Variants in CCDC15 observed in about 807,000 individuals in gnomAD.
The protein encoded by CCDC15 is coiled-coil domain-containing protein 15.
A neutral mutation model predicts 114.5 loss-of-function variants in CCDC15; 105 were observed. That is an observed-to-expected ratio of 0.92 (90% confidence interval 0.78 to 1.08). The LOEUF (loss-of-function observed/expected upper bound fraction) is 1.08, where lower values mean the gene tolerates loss of function less well. Ranked by LOEUF, CCDC15 falls within the 50% of genes least tolerant of loss-of-function variation. The pLI is 0.00. For synonymous variants in CCDC15, 334 were observed against 377.8 expected (o/e 0.88, Z 1.34); for missense variants, 1,105 against 1,093.6 (o/e 1.01, Z -0.15).
At chr11:125,034,083 G>T (rs1484325403) in intron 13 of CCDC15, among the ~76,000 whole-genome samples, 2 of 152,158 alleles carry the variant, frequency 1.3e-5, no homozygotes, top group Non-Finnish European at 2.9e-5. Context: ...ATGTTGCCTG[G>T]CAACTGCCTC....
At chr11:124,961,043 C>T (rs893822933) in intron 4 of CCDC15, among the ~76,000 whole-genome samples, 4 of 152,186 alleles carry the variant, frequency 2.6e-5, no homozygotes, top group Admixed American at 6.5e-5. Context: ...TTGTCCACAA[C>T]TATTTGACTC....
At chr11:124,995,069 G>A (rs1565372077) in intron 11 of CCDC15, among the ~76,000 whole-genome samples, 1 of 152,092 alleles carries the variant, frequency 6.6e-6, no homozygotes, top group Non-Finnish European at 1.5e-5. Flanking sequence ...TTGGCCTAAG[G>A]GTATGCTGCT....
At chr11:125,038,756 A>G (rs1948794489) in intron 14 of CCDC15, 152 bp downstream of exon 14, 1 of 1,146,998 alleles carries the variant, frequency 8.7e-7, no homozygotes, top group South Asian at 1.7e-5. Context: ...TTGATTGCCT[A>G]ATACTTCTTG....
chr11:125,032,808 G>T (rs1364575196), intron 13 of CCDC15, among the ~76,000 whole-genome samples: 1 of 152,152 alleles, frequency 6.6e-6, no homozygotes, highest in Non-Finnish European at 1.5e-5. Context: ...TGGACCCACT[G>T]TAAGTCAGAC....
At chr11:124,955,515 TC>T (rs1302062472) in intron 2 of CCDC15, among the ~76,000 whole-genome samples, 1 of 152,260 alleles carries the variant, frequency 6.6e-6, no homozygotes, top group African/African-American at 2.4e-5. Flanking sequence ...TGTTTATATA[TC>T]TTTTCCTGAT....
chr11:125,020,307 G>A (rs1299483508), intron 13 of CCDC15, among the ~76,000 whole-genome samples: 1 of 151,880 alleles, frequency 6.6e-6, no homozygotes, highest in Non-Finnish European at 1.5e-5. Flanking sequence ...AAGTCTTGGT[G>A]TTGGCAGATT....
At chr11:125,016,862 T>G (rs565337370) in intron 13 of CCDC15, among the ~76,000 whole-genome samples, 34 of 152,316 alleles carry the variant, frequency 2.2e-4, no homozygotes, top group African/African-American at 8.2e-4. Flanking sequence ...TAAAGGCTTT[T>G]TGTTTTATTG....
chr11:125,009,529 G>A (rs1948575395), intron 13 of CCDC15, among the ~76,000 whole-genome samples: 1 of 152,068 alleles, frequency 6.6e-6, no homozygotes, highest in African/African-American at 2.4e-5. Flanking sequence ...TTAGATTCAG[G>A]GGGTACAGGT....
chr11:124,998,829 C>T (rs547285289), intron 11 of CCDC15, among the ~76,000 whole-genome samples: 2 of 151,464 alleles, frequency 1.3e-5, no homozygotes, highest in African/African-American at 4.8e-5. Context: ...CCTCTGCTTC[C>T]CCAGGTTCAA....
At chr11:125,039,110 A>AG (rs748375888) in intron 15 of CCDC15, 41 bp downstream of exon 15, 14 of 1,518,264 alleles carry the variant, frequency 9.2e-6, no homozygotes, top group Non-Finnish European at 1.2e-5. Flanking sequence ...AATGGCAACA[A>AG]GAAAAATAAA....
At chr11:124,968,523 T>C (rs537268767) in intron 4 of CCDC15, among the ~76,000 whole-genome samples, 11 of 152,270 alleles carry the variant, frequency 7.2e-5, no homozygotes, top group Admixed American at 2.6e-4. Flanking sequence ...AGCGCAGTAT[T>C]AGGGCGGGAG....
intron 13 of CCDC15, among the ~76,000 whole-genome samples, chr11:125,022,313 C>G (rs1948666228): frequency 6.6e-6 from 1 of 152,000 alleles, no homozygotes; most frequent in South Asian, 2.1e-4. Context: ...TCTGCCCAAG[C>G]TGCAATAATG....
At chr11:124,985,487 A>G (rs1182687511) in intron 6 of CCDC15, among the ~76,000 whole-genome samples, 1 of 152,096 alleles carries the variant, frequency 6.6e-6, no homozygotes, top group Non-Finnish European at 1.5e-5. Flanking sequence ...TCCAACACTT[A>G]TTATTGTCCT....
intron 4 of CCDC15, among the ~76,000 whole-genome samples, chr11:124,967,661 G>A (rs1359749120): frequency 6.6e-6 from 1 of 152,196 alleles, no homozygotes; most frequent in Admixed American, 6.5e-5. Flanking sequence ...TCTCCATCCA[G>A]CTTTGTTCCG....
chr11:124,959,038 C>A, intron 2 of CCDC15, 77 bp from the exon 3 acceptor site: 2 of 934,714 alleles, frequency 2.1e-6, no homozygotes, highest in Non-Finnish European at 3.1e-6. Flanking sequence ...CTTATCCTGA[C>A]TGTTTTGTGT....
At chr11:124,998,173 A>G (rs1030779343) in intron 11 of CCDC15, among the ~76,000 whole-genome samples, 1 of 152,138 alleles carries the variant, frequency 6.6e-6, no homozygotes, top group Non-Finnish European at 1.5e-5. Context: ...CCCCCCAGAG[A>G]GGCTGCCAGG....
chr11:124,993,311 T>A, intron 11 of CCDC15, 68 bp downstream of exon 11: 1 of 1,025,458 alleles, frequency 9.8e-7, no homozygotes, highest in Non-Finnish European at 1.5e-6. Context: ...AGTGAGTAAG[T>A]AACAGAGTGT....
chr11:124,992,460 T>A (rs1948286424), intron 9 of CCDC15, 120 bp from the exon 10 acceptor site: 1 of 632,738 alleles, frequency 1.6e-6, no homozygotes, highest in African/African-American at 1.8e-5. Flanking sequence ...TCAAAACGTA[T>A]CAGAATATTT....
chr11:125,006,572 A>G (rs1447053781), intron 13 of CCDC15, among the ~76,000 whole-genome samples: 5 of 152,166 alleles, frequency 3.3e-5, no homozygotes, highest in Admixed American at 6.6e-5. Flanking sequence ...TTGGTGTTAT[A>G]TATAAAAAAA....
Sources: allele counts gnomAD v4.1 joint callset (sites outside exome capture counted in the v4.1 genomes callset), GRCh38; gene constraint gnomAD v4.1.1; transcripts MANE v1.5; gene names NCBI Gene and HGNC (gene_info 2026-07-23, HGNC 2026-07-21).